Variants in PAAF1 observed in about 807,000 individuals in gnomAD.
PAAF1 encodes proteasomal ATPase associated factor 1.
Under a neutral mutation model 52.8 loss-of-function variants are expected in PAAF1, and 46 were observed. The ratio of observed to expected loss-of-function variants is 0.87; its 90% confidence interval spans 0.69 to 1.11. PAAF1 has a LOEUF of 1.11. PAAF1 is among the 50% of genes most tolerant of loss of function. The pLI, the probability that PAAF1 is intolerant of heterozygous loss-of-function variation, is 0.00. For missense variants in PAAF1, 424 were observed against 477.4 expected, an observed-to-expected ratio of 0.89 and a Z score of 1.04; for synonymous variants, 178 against 172.8, an observed-to-expected ratio of 1.03 and a Z score of -0.24.
chr11:73,898,814 A>G (rs931265591), intron 4 of PAAF1, among the ~76,000 whole-genome samples: 16 of 148,442 alleles, frequency 1.1e-4, no homozygotes, highest in African/African-American at 3.9e-4. Flanking sequence ...AACTCTGTCA[A>G]ACAAACAAAC....
intron 2 of PAAF1, among the ~76,000 whole-genome samples, chr11:73,884,735 A>G (rs977591962): frequency 2.0e-5 from 3 of 152,182 alleles, no homozygotes. Context: ...TCTAGGCCAA[A>G]CTTCTACCCT....
At chr11:73,896,982 A>C (rs1442655543) in intron 4 of PAAF1, among the ~76,000 whole-genome samples, 3 of 114,206 alleles carry the variant, frequency 2.6e-5, no homozygotes, top group Admixed American at 8.6e-5. Flanking sequence ...GGGGGGGCTG[A>C]CCCCCCCACC....
intron 6 of PAAF1, among the ~76,000 whole-genome samples, chr11:73,902,706 AT>A (rs1228295666): frequency 6.6e-6 from 1 of 151,328 alleles, no homozygotes; most frequent in Non-Finnish European, 1.5e-5. Flanking sequence ...ATTTATTATT[AT>A]TTTTTTTGAG....
intron 8 of PAAF1, 125 bp downstream of exon 8, chr11:73,914,629 A>C (rs1161718191): frequency 4.3e-6 from 3 of 693,154 alleles, no homozygotes; most frequent in Non-Finnish European, 5.1e-6. Flanking sequence ...TGCGTGAGTA[A>C]GAGGCAGTAC....
rs776242790 is a variant in PAAF1, at chr11:73,924,670, T to C, written c.1074T>C (p.Thr358=). The change falls in exon 11 of 12, where the codon ACT becomes ACC. Residue 358 remains threonine (T), a synonymous_variant. Coordinates refer to ENST00000310571, the MANE Select transcript of PAAF1 (RefSeq NM_025155.3). ...QQDLDYVTEL[T]GADCDPVYKV... ...ACTTAGACTATGTCACTGAGCTCAC[T>C]GGGGCTGACTGTGACCCTGTGTACA... 1.2e-6 allele frequency: 2 copies of C among 1,613,998 alleles called. No individual in the cohort carries two copies. Among genetic ancestry groups the C allele is most frequent in the South Asian group, 2.2e-5 (2 of 91,078 alleles).
intron 7 of PAAF1, among the ~76,000 whole-genome samples, chr11:73,913,022 G>A (rs993403815): frequency 3.3e-5 from 5 of 152,090 alleles, no homozygotes; most frequent in African/African-American, 9.7e-5. Flanking sequence ...GATTACAGGC[G>A]TGCACTACCA....
intron 6 of PAAF1, among the ~76,000 whole-genome samples, chr11:73,908,262 T>C (rs1949814940): frequency 7.1e-6 from 1 of 141,050 alleles, no homozygotes; most frequent in Non-Finnish European, 1.5e-5. Flanking sequence ...TATATGTATA[T>C]ATGTGTATAT....
At chr11:73,897,310 A>G (rs1441488710) in intron 4 of PAAF1, among the ~76,000 whole-genome samples, 9 of 143,046 alleles carry the variant, frequency 6.3e-5, no homozygotes, top group Non-Finnish European at 1.2e-4. Context: ...CTCCCGGACG[A>G]GGTGGCTGCC....
At chr11:73,908,913 T>TCA in intron 6 of PAAF1, among the ~76,000 whole-genome samples, 3 of 152,152 alleles carry the variant, frequency 2.0e-5, no homozygotes, top group African/African-American at 7.2e-5. Context: ...CTCAGCCTCC[T>TCA]GTTTAGCTGG....
At chr11:73,899,784 AG>A (rs1447006792) in intron 5 of PAAF1, among the ~76,000 whole-genome samples, 1 of 152,190 alleles carries the variant, frequency 6.6e-6, no homozygotes, top group Admixed American at 6.5e-5. Flanking sequence ...GGAGCAGTTA[AG>A]GAGCCAGACC....
intron 4 of PAAF1, among the ~76,000 whole-genome samples, chr11:73,895,703 G>A (rs996812980): frequency 6.6e-6 from 1 of 152,166 alleles, no homozygotes; most frequent in Non-Finnish European, 1.5e-5. Flanking sequence ...ATCATTTCTG[G>A]AGCATTTGCA....
rs1244886656 is a variant in PAAF1 at position 73,887,367 on chromosome 11, G to A, written c.102G>A (p.Leu34=). Residue 34 remains leucine (L), a synonymous_variant, in exon 3 of 12, where the codon TTG becomes TTA. Coordinates refer to ENST00000310571, the MANE Select transcript of PAAF1 (RefSeq NM_025155.3). ...TGTACCATATAGGGAAACCATCTTTGTATGGCAGCCTGACTTGTCAAGGAA... is the reference window on the plus strand; with the variant it reads ...TGTACCATATAGGGAAACCATCTTTATATGGCAGCCTGACTTGTCAAGGAA... ...LSCHPPGKPS[L]YGSLTCQGIG... 1 of 1,611,440 alleles carries A rather than the reference G, an allele frequency of 6.2e-7. No homozygotes were observed.
At chr11:73,896,077 T>G (rs969390431) in intron 4 of PAAF1, among the ~76,000 whole-genome samples, 33 of 152,120 alleles carry the variant, frequency 2.2e-4, no homozygotes, top group African/African-American at 8.0e-4. Flanking sequence ...CCCCTGCACT[T>G]CAGCCTGAGC....
At chr11:73,926,364 C>G (rs970923592) in intron 11 of PAAF1, among the ~76,000 whole-genome samples, 1 of 152,206 alleles carries the variant, frequency 6.6e-6, no homozygotes, top group African/African-American at 2.4e-5. Context: ...TCCCAAAGTG[C>G]TCGGATTACA....
chr11:73,904,648 G>T (rs1949711338), intron 6 of PAAF1, among the ~76,000 whole-genome samples: 1 of 151,702 alleles, frequency 6.6e-6, no homozygotes, highest in South Asian at 2.1e-4. Context: ...TTTTTTCGGA[G>T]ATCTGAGTCA....
At position 73,909,614 on chromosome 11, in the gene PAAF1, AG is replaced by A. The variant is rs377475132; in HGVS notation, c.727+22del. 579 of 1,608,274 alleles carry A rather than the reference AG, an allele frequency of 3.6e-4. 2 individuals are homozygous for A. The African/African-American group carries it at 6.6e-3, about 18-fold the overall frequency. On this transcript the variant is annotated intron_variant, in intron 7 of 11. Coordinates refer to ENST00000310571, the MANE Select transcript of PAAF1 (RefSeq NM_025155.3). ...GCCCAGTAAGTTGATAATGATATGT[AG>A]CATTGTTTTATTTTCTTAGGCCCCC... is the stretch of plus-strand genomic sequence containing the variant.
chr11:73,893,232 G>A (rs1379141189), intron 4 of PAAF1, among the ~76,000 whole-genome samples: 3 of 152,158 alleles, frequency 2.0e-5, no homozygotes, highest in Non-Finnish European at 4.4e-5. Context: ...GGAATTATGA[G>A]GCTTTGGGTG....
Position 73,887,396 on chromosome 11 carries a change from G to A in PAAF1, c.131G>A (p.Gly44Asp), listed in dbSNP as rs780631254. The A allele has an allele frequency of 1.5e-5, 25 of 1,613,096 alleles. No individual in the cohort carries two copies. The South Asian group carries it at 2.6e-4, about 17-fold the overall frequency. The change falls in exon 3 of 12, where the codon GGC (glycine) becomes GAC (aspartate). Residue 44 changes from glycine (G) to aspartate (D), a missense_variant. Coordinates refer to ENST00000310571, the MANE Select transcript of PAAF1 (RefSeq NM_025155.3). Reference protein sequence around the residue: ...LYGSLTCQGIGLDGIPEVTAS... With the variant: ...LYGSLTCQGIDLDGIPEVTAS... ...GGCAGCCTGACTTGTCAAGGAATTG[G>A]CCTAGATGGCATCCCAGAGGTTACA...
intron 6 of PAAF1, among the ~76,000 whole-genome samples, chr11:73,908,218 A>AAT (rs996896692): frequency 9.4e-5 from 14 of 149,480 alleles, no homozygotes; most frequent in East Asian, 3.9e-4. Flanking sequence ...TATGTAAATA[A>AAT]ATATATATAT....
Sources: gnomAD v4.1 joint callset for allele counts (sites outside exome capture counted in the v4.1 genomes callset) on GRCh38, gnomAD v4.1.1 for gene constraint, MANE v1.5 for transcripts, NCBI Gene and HGNC (gene_info 2026-07-23, HGNC 2026-07-21) for gene names.